The following SETBP1 variants were observed in gnomAD, a reference collection of about 807,000 sequenced individuals.
SETBP1 encodes the protein SET-binding protein.
Under a neutral mutation model 101.0 loss-of-function variants are expected in SETBP1, and 9 were observed. The ratio of observed to expected loss-of-function variants is 0.09; its 90% CI spans 0.05 to 0.16. The LOEUF (loss-of-function observed/expected upper bound fraction) is 0.16. Ranked by LOEUF, SETBP1 falls within the 10% of genes least tolerant of loss-of-function variation. The pLI, the probability that SETBP1 is intolerant of heterozygous loss-of-function variation, is 1.00. For synonymous variants in SETBP1, 818 were observed against 788.5 expected, an observed-to-expected ratio of 1.04 and a Z score of -0.63; for missense variants, 1,858 against 2,033.8, an observed-to-expected ratio of 0.91 and a Z score of 1.66.
At chr18:44,975,029 C>T (rs897001346) in intron 4 of SETBP1, among the ~76,000 whole-genome samples, 1 of 152,184 alleles carries the variant, frequency 6.6e-6, no homozygotes, top group Non-Finnish European at 1.5e-5. Context: ...TTATTAACTT[C>T]TATACACGTG....
At chr18:44,915,241 T>A (rs968190901) in intron 3 of SETBP1, among the ~76,000 whole-genome samples, 1 of 152,146 alleles carries the variant, frequency 6.6e-6, no homozygotes, top group Non-Finnish European at 1.5e-5. Flanking sequence ...TCCAAGCAGT[T>A]CTCCTGACTT....
At chr18:44,949,500 C>G (rs2071285478) in intron 3 of SETBP1, among the ~76,000 whole-genome samples, 1 of 152,218 alleles carries the variant, frequency 6.6e-6, no homozygotes, top group Non-Finnish European at 1.5e-5. Flanking sequence ...CTCCATTGTT[C>G]AGGTCTCAGC....
intron 2 of SETBP1, among the ~76,000 whole-genome samples, chr18:44,735,533 C>A (rs2069945507): frequency 6.6e-6 from 1 of 152,144 alleles, no homozygotes; most frequent in Non-Finnish European, 1.5e-5. Flanking sequence ...ATGATAGTAA[C>A]AAACACCCAA....
intron 2 of SETBP1, among the ~76,000 whole-genome samples, chr18:44,828,234 C>G (rs770546686): frequency 1.3e-5 from 2 of 151,950 alleles, no homozygotes; most frequent in South Asian, 2.1e-4. Context: ...TGACAGGGCC[C>G]CAGGGATCTC....
intron 4 of SETBP1, among the ~76,000 whole-genome samples, chr18:45,004,043 A>T (rs190842401): frequency 6.6e-6 from 1 of 152,358 alleles, no homozygotes; most frequent in Non-Finnish European, 1.5e-5. Flanking sequence ...ATACCCTACA[A>T]GGCGTGGAAC....
At chr18:44,696,910 T>C (rs1473296730) in intron 1 of SETBP1, among the ~76,000 whole-genome samples, 2 of 152,246 alleles carry the variant, frequency 1.3e-5, no homozygotes, top group African/African-American at 2.4e-5. Context: ...GCCCTTTTGT[T>C]TGCCTGGGGC....
At chr18:44,938,136 C>T (rs536604967) in intron 3 of SETBP1, among the ~76,000 whole-genome samples, 14 of 152,228 alleles carry the variant, frequency 9.2e-5, no homozygotes, top group African/African-American at 2.9e-4. Flanking sequence ...GAGCAAGCCA[C>T]GTCCTGGGTC....
intron 4 of SETBP1, among the ~76,000 whole-genome samples, chr18:44,999,727 C>A (rs67463868): frequency 0.058 from 8,754 of 152,236 alleles, 289 homozygotes; most frequent in South Asian, 0.11. Context: ...CCATTTCATA[C>A]CAGTTGATTC....
At chr18:44,772,023 T>C (rs1257706924) in intron 2 of SETBP1, among the ~76,000 whole-genome samples, 2 of 152,236 alleles carry the variant, frequency 1.3e-5, no homozygotes, top group Non-Finnish European at 2.9e-5. Flanking sequence ...TGAGGCTGTG[T>C]GCTGTTCATA....
At chr18:44,816,951 G>A (rs1016676586) in intron 2 of SETBP1, among the ~76,000 whole-genome samples, 8 of 152,216 alleles carry the variant, frequency 5.3e-5, no homozygotes, top group Admixed American at 1.3e-4. Flanking sequence ...GGAAATTGAC[G>A]ATCTTCTGGG....
intron 3 of SETBP1, among the ~76,000 whole-genome samples, chr18:44,942,586 G>A (rs2071110788): frequency 6.6e-6 from 1 of 152,088 alleles, no homozygotes; most frequent in Non-Finnish European, 1.5e-5. Context: ...CAGAAAACTA[G>A]GGCTACTCTG....
chr18:44,708,849 C>A (rs1453736238), intron 2 of SETBP1, among the ~76,000 whole-genome samples: 1 of 152,216 alleles, frequency 6.6e-6, no homozygotes, highest in East Asian at 1.9e-4. Context: ...AAGGGCCATT[C>A]TGTTTCATCA....
Position 44,951,994 on chromosome 18 carries a change from G to A in SETBP1, c.2654G>A (p.Ser885Asn). The change falls in exon 4 of 6, where the codon AGC (serine) becomes AAC (asparagine). Residue 885 changes from serine to asparagine, a missense_variant. By Grantham distance (46) the Ser-to-Asn change is conservative (BLOSUM62 1). Coordinates refer to ENST00000649279, the MANE Select transcript of SETBP1 (RefSeq NM_015559.3). The surrounding 1 kb of genome is among the most constrained non-coding windows in gnomAD (Gnocchi z 7.8). ...NNSTSDQAEK[S>N]SESRRRYSFD... ...AGCACTTCTGACCAAGCGGAGAAGA[G>A]CTCAGAATCCCGAAGGAGGTACTCT... is the stretch of plus-strand genomic sequence containing the variant. 6.2e-7 allele frequency: 1 copy of A among 1,614,046 alleles called. No homozygotes were observed. Among genetic ancestry groups the A allele is most frequent in the African/African-American group, 1.3e-5 (1 of 75,024 alleles).
chr18:44,932,860 G>T (rs12326762), intron 3 of SETBP1, among the ~76,000 whole-genome samples: 18,126 of 152,070 alleles, frequency 0.12, 1,315 homozygotes, highest in East Asian at 0.31. Flanking sequence ...CTTTTTTCAA[G>T]GTTTTTAGCT....
At chr18:44,852,065 C>A (rs1184675640) in intron 2 of SETBP1, among the ~76,000 whole-genome samples, 3 of 152,242 alleles carry the variant, frequency 2.0e-5, no homozygotes, top group Non-Finnish European at 4.4e-5. Context: ...AGGCATCCAT[C>A]CTAATCACTT....
chr18:44,917,959 A>G (rs1251116068), intron 3 of SETBP1, among the ~76,000 whole-genome samples: 1 of 152,072 alleles, frequency 6.6e-6, no homozygotes, highest in Non-Finnish European at 1.5e-5. Context: ...CACCTAGAAA[A>G]GCCTCCTAGT....
intron 2 of SETBP1, among the ~76,000 whole-genome samples, chr18:44,833,979 C>T (rs144621457): frequency 2.9e-3 from 441 of 152,264 alleles, no homozygotes; most frequent in African/African-American, 0.01. Flanking sequence ...AAAATTTTAA[C>T]GTAGGTGTGG....
In SETBP1 at chr18:44,992,365, G is replaced by T. The variant is rs368073332; in HGVS notation, c.4000+39025G>T. Among the ~76,000 whole-genome samples, 4 of 151,910 alleles carry T rather than the reference G, an allele frequency of 2.6e-5. No homozygotes were observed. The East Asian group carries it at 5.8e-4, about 22-fold the overall frequency. On this transcript the variant is annotated intron_variant, in intron 4 of 5. Transcript: ENST00000649279. ...TAAAAAATTGCTTCTCAGCCTTTTG[G>T]CTAAGATCAAGTGATAAAAAATTAT...
rs925399928 is a variant in SETBP1 at position 44,937,174 on chromosome 18, C to T, written c.541-12707C>T. Among the ~76,000 whole-genome samples, 6 of 152,106 alleles carry T rather than the reference C, an allele frequency of 3.9e-5. No individual in the cohort carries two copies. In the East Asian group the frequency reaches 9.7e-4, roughly 25 times the overall value. On this transcript the variant is annotated intron_variant, in intron 3 of 5. Coordinates refer to ENST00000649279, the MANE Select transcript of SETBP1 (RefSeq NM_015559.3). ...CCCCTTTAAGATAGGCACTACTGGC[C>T]GGGCGCGGTGGCTCACGCCTGTAAT...
Sources: allele counts gnomAD v4.1 joint callset (sites outside exome capture counted in the v4.1 genomes callset), GRCh38; gene constraint gnomAD v4.1.1; non-coding constraint Gnocchi (gnomAD v3.1); transcripts MANE v1.5; gene names NCBI Gene and HGNC (gene_info 2026-07-23, HGNC 2026-07-21).